PLXNC1: variants seen among roughly 807,000 people sequenced by gnomAD.
PLXNC1 encodes the protein plexin C1, also known as plexin-C1.
PLXNC1 carries 75 observed loss-of-function variants against 178.2 expected under a neutral mutation model. The ratio of observed to expected loss-of-function variants is 0.42; its 90% CI spans 0.35 to 0.51. The LOEUF is 0.51. Among genes scored for constraint, PLXNC1 ranks in the 20% least tolerant of loss-of-function variants. The pLI is 0.02. For synonymous variants in PLXNC1, 790 were observed against 779.9 expected (o/e 1.01, Z -0.22); for missense variants, 1,503 against 1,984.4 (o/e 0.76, Z 4.61).
At position 94,250,461 on chromosome 12, in the gene PLXNC1, G is replaced by A. The variant is rs1343860105; in HGVS notation, c.2779-965G>A. 5.9e-5 allele frequency among the ~76,000 whole-genome samples: 9 copies of A among 152,264 alleles called. No homozygotes were observed. The East Asian group carries it at 1.7e-3, about 29-fold the overall frequency. ...GAGAAACAGAGCAGGTGGCAGAGCT[G>A]GTATGGAGAGCTTCAGCTATCCGGG... is the stretch of plus-strand genomic sequence containing the variant. On this transcript the variant is annotated intron_variant, in intron 14 of 30. Transcript: ENST00000258526.
intron 4 of PLXNC1, chr12:94,186,912 C>G (rs1340992167): frequency 5.9e-6 from 1 of 168,366 alleles, no homozygotes; most frequent in South Asian, 1.5e-4. Flanking sequence ...TTGATGGCGC[C>G]GTCTCCTAAT....
At position 94,243,869 on chromosome 12, in the gene PLXNC1, T is replaced by A. The variant is rs561800982; in HGVS notation, c.2301-69T>A. 411 of 702,512 alleles carry A rather than the reference T, an allele frequency of 5.9e-4. No homozygotes were observed. In the African/African-American group the frequency reaches 6.8e-3, roughly 12 times the overall value. The allele number at this position is 702,512 out of a possible 1,614,324, so 43.5% of individuals were successfully genotyped here. ...TATTAAACATGAATAAATTGATAGC[T>A]TTGTTCATAAATGCAAAATGCCTGT... On this transcript the variant is annotated intron_variant, in intron 11 of 30. Transcript: ENST00000258526.
intron 20 of PLXNC1, 72 bp from the exon 21 acceptor site, chr12:94,265,007 G>C: frequency 6.0e-6 from 9 of 1,495,332 alleles, no homozygotes; most frequent in Non-Finnish European, 8.3e-6. Flanking sequence ...GCTGTAAACA[G>C]AAACTTTAAT....
chr12:94,217,813 A>G (rs1565815058), intron 5 of PLXNC1, among the ~76,000 whole-genome samples: 1 of 152,166 alleles, frequency 6.6e-6, no homozygotes, highest in Non-Finnish European at 1.5e-5. Context: ...CTATACTTCT[A>G]CTAGTCTATA....
chr12:94,220,163 G>C lies in PLXNC1; in HGVS notation c.1702G>C (p.Asp568His), dbSNP rs1326164175. The change falls in exon 6 of 31, where the codon GAT becomes CAT. Residue 568 changes from aspartate (D) to histidine (H), a missense_variant and splice_region_variant. Asp to His is a moderately conservative substitution (Grantham distance 81). This residue lies in a region of PLXNC1 where 615 missense variants were observed against 698.6 expected (regional missense o/e 0.88). Transcript: ENST00000258526. ...CATCCCAACCAGAGCAACCTACAAA[G>C]GTATGTGGATTCTTCTGGGTTATTT... ...CSIPTRATYK[D>H]VSVVNVMFSF... The C allele has an allele frequency of 2.5e-6, 4 of 1,611,692 alleles. No individual in the cohort carries two copies. In the African/African-American group the frequency reaches 4.0e-5, roughly 16 times the overall value.
intron 21 of PLXNC1, among the ~76,000 whole-genome samples, chr12:94,265,848 G>A (rs1259782320): frequency 2.7e-5 from 4 of 147,272 alleles, no homozygotes; most frequent in South Asian, 2.3e-4. Flanking sequence ...CATCCCCACC[G>A]CACCCACCCC....
In PLXNC1 at chr12:94,224,236, G is replaced by C; in HGVS notation, c.1711G>C (p.Val571Leu). Residue 571 changes from valine to leucine, a missense_variant, in exon 7 of 31, where the codon GTT becomes CTT. Coordinates refer to ENST00000258526, the MANE Select transcript of PLXNC1 (RefSeq NM_005761.3). ...TCCCCCCTTCCCTCCAGATGTTTCA[G>C]TTGTCAACGTGATGTTCTCCTTCGG... ...PTRATYKDVS[V>L]VNVMFSFGSW... 3 of 1,594,018 alleles carry C rather than the reference G, an allele frequency of 1.9e-6. No individual in the cohort carries two copies. Among genetic ancestry groups the C allele is most frequent in the Non-Finnish European group, 2.6e-6 (3 of 1,161,650 alleles).
intron 9 of PLXNC1, among the ~76,000 whole-genome samples, chr12:94,232,656 A>G (rs1276476252): frequency 6.6e-6 from 1 of 152,222 alleles, no homozygotes. Flanking sequence ...GGTAGAACTT[A>G]TAATATTTTG....
intron 4 of PLXNC1, among the ~76,000 whole-genome samples, chr12:94,204,962 A>T (rs896389266): frequency 6.6e-6 from 1 of 152,226 alleles, no homozygotes; most frequent in Non-Finnish European, 1.5e-5. Flanking sequence ...TAGTTATCAG[A>T]TTCCTTCAGG....
At chr12:94,192,136 A>G (rs935766602) in intron 4 of PLXNC1, among the ~76,000 whole-genome samples, 2 of 152,254 alleles carry the variant, frequency 1.3e-5, no homozygotes, top group African/African-American at 4.8e-5. Context: ...AAGCCAGCCC[A>G]TAAAATCCAA....
Position 94,149,576 on chromosome 12 carries a change from A to G in PLXNC1, c.605A>G (p.Asp202Gly). 1 of 1,566,966 alleles carries G rather than the reference A, an allele frequency of 6.4e-7. No homozygotes were observed. The highest frequency in any genetic ancestry group is 8.6e-7 in the Non-Finnish European group (1 of 1,159,628). ...TGCAACCCCGCGGCATCCGACCACG[A>G]CACGGCCATCGCGCTCAAGGACACG... ...SRCNPAASDH[D>G]TAIALKDTEG... Residue 202 changes from aspartate to glycine, a missense_variant, in exon 1 of 31, where the codon GAC becomes GGC. By Grantham distance (94) the Asp-to-Gly change is moderately conservative. Transcript: ENST00000258526.
chr12:94,280,773 C>T (rs1347562270), intron 22 of PLXNC1, among the ~76,000 whole-genome samples: 1 of 152,198 alleles, frequency 6.6e-6, no homozygotes, highest in Non-Finnish European at 1.5e-5. Flanking sequence ...ATGGGCATAC[C>T]CCGCCCGACA....
At chr12:94,173,959 A>G (rs1270034417) in intron 2 of PLXNC1, among the ~76,000 whole-genome samples, 1 of 152,056 alleles carries the variant, frequency 6.6e-6, no homozygotes, top group African/African-American at 2.4e-5. Context: ...CCTTTGTAGG[A>G]AAGGTAGGAA....
At chr12:94,190,453 C>A (rs1962680430) in intron 4 of PLXNC1, among the ~76,000 whole-genome samples, 1 of 152,072 alleles carries the variant, frequency 6.6e-6, no homozygotes, top group Non-Finnish European at 1.5e-5. Context: ...GTTGCCCAGG[C>A]TGGTCTTGAA....
At chr12:94,193,639 C>G (rs761028826) in intron 4 of PLXNC1, among the ~76,000 whole-genome samples, 15 of 152,162 alleles carry the variant, frequency 9.9e-5, no homozygotes, top group Non-Finnish European at 1.5e-4. Context: ...AGGTTAGACC[C>G]CAAAAGATGG....
chr12:94,224,593 GC>G (rs1963888617), intron 7 of PLXNC1, among the ~76,000 whole-genome samples: 1 of 152,164 alleles, frequency 6.6e-6, no homozygotes, highest in Non-Finnish European at 1.5e-5. Flanking sequence ...CCGAGAGGCA[GC>G]CTTGAAGTAA....
intron 1 of PLXNC1, among the ~76,000 whole-genome samples, chr12:94,164,782 C>G (rs1438191429): frequency 6.6e-6 from 1 of 152,110 alleles, no homozygotes; most frequent in Non-Finnish European, 1.5e-5. Flanking sequence ...CTCTTTCTCT[C>G]TTTCAGCCCA....
intron 4 of PLXNC1, among the ~76,000 whole-genome samples, chr12:94,208,660 A>C (rs1225686346): frequency 1.3e-5 from 2 of 152,338 alleles, no homozygotes; most frequent in Non-Finnish European, 2.9e-5. Flanking sequence ...TTCAGCCTTG[A>C]GGAGGTGTAG....
chr12:94,273,905 C>T (rs540377444), intron 21 of PLXNC1, among the ~76,000 whole-genome samples: 5 of 152,186 alleles, frequency 3.3e-5, no homozygotes, highest in East Asian at 1.9e-4. Flanking sequence ...AGCTCCAAGC[C>T]GGTCCCTACA....
Sources: allele counts gnomAD v4.1 joint callset (sites outside exome capture counted in the v4.1 genomes callset), GRCh38; gene constraint gnomAD v4.1.1; regional missense constraint gnomAD v4.1.1; transcripts MANE v1.5; gene names NCBI Gene and HGNC (gene_info 2026-07-23, HGNC 2026-07-21).